The following MACROD2 variants were observed in gnomAD, a reference collection of about 807,000 sequenced individuals.
The protein encoded by MACROD2 is ADP-ribose glycohydrolase MACROD2.
Under a neutral mutation model 70.4 loss-of-function variants are expected in MACROD2, and 36 were observed. The observed-to-expected ratio is 0.51, with a 90% CI of 0.39 to 0.68. The LOEUF (loss-of-function observed/expected upper bound fraction) is 0.68, where lower values mean the gene tolerates loss of function less well. Ranked by LOEUF, MACROD2 falls within the 30% of genes least tolerant of loss-of-function variation. The pLI, the probability that MACROD2 is intolerant of heterozygous loss-of-function variation, is 0.00. For synonymous variants in MACROD2, 172 were observed against 178.8 expected (o/e 0.96, Z 0.30); for missense variants, 496 against 538.4 (o/e 0.92, Z 0.78).
At chr20:15,240,322 G>A (rs78118527) in intron 6 of MACROD2, among the ~76,000 whole-genome samples, 2,760 of 152,164 alleles carry the variant, frequency 0.018, 85 homozygotes, top group African/African-American at 0.064. Flanking sequence ...CACTTAACAC[G>A]AGTTATATAT....
intron 5 of MACROD2, among the ~76,000 whole-genome samples, chr20:15,170,393 A>G (rs1466861747): frequency 6.6e-6 from 1 of 152,234 alleles, no homozygotes; most frequent in Non-Finnish European, 1.5e-5. Flanking sequence ...CTTCTGAAGC[A>G]CTGAAGCCTA....
chr20:15,128,138 G>A (rs903645109), intron 5 of MACROD2, among the ~76,000 whole-genome samples: 2 of 151,978 alleles, frequency 1.3e-5, no homozygotes, highest in Admixed American at 6.6e-5. Flanking sequence ...TTTATTTCAA[G>A]GGTAGTTTTA....
chr20:15,447,926 C>A (rs1279595642), intron 7 of MACROD2, among the ~76,000 whole-genome samples: 1 of 152,038 alleles, frequency 6.6e-6, no homozygotes, highest in Admixed American at 6.6e-5. Context: ...CTGTGTAAAG[C>A]CCAAGTATTT....
intron 3 of MACROD2, among the ~76,000 whole-genome samples, chr20:14,097,783 T>G (rs2054248200): frequency 6.6e-6 from 1 of 152,228 alleles, no homozygotes; most frequent in East Asian, 1.9e-4. Flanking sequence ...GACCCAAGTC[T>G]AAACATGAAA....
chr20:15,686,195 T>C (rs527965197), intron 8 of MACROD2, among the ~76,000 whole-genome samples: 43 of 152,250 alleles, frequency 2.8e-4, no homozygotes, highest in African/African-American at 1.0e-3. Context: ...TTCAGTAAAC[T>C]AGGGGTTGAG....
chr20:15,047,767 T>C (rs73093967), intron 5 of MACROD2, among the ~76,000 whole-genome samples: 5,337 of 152,250 alleles, frequency 0.035, 122 homozygotes, highest in Non-Finnish European at 0.056. Flanking sequence ...TATTACAGTG[T>C]GATTAGGTTT....
At chr20:14,946,204 A>T (rs1478739972) in intron 5 of MACROD2, among the ~76,000 whole-genome samples, 1 of 152,082 alleles carries the variant, frequency 6.6e-6, no homozygotes, top group Non-Finnish European at 1.5e-5. Flanking sequence ...TGTCTCAAAA[A>T]AAAAAAAATT....
At chr20:14,106,362 A>C (rs188864234) in intron 3 of MACROD2, among the ~76,000 whole-genome samples, 9 of 152,290 alleles carry the variant, frequency 5.9e-5, no homozygotes, top group Non-Finnish European at 1.3e-4. Flanking sequence ...TTGTGGTTTG[A>C]GTGCCAGCTT....
chr20:14,183,749 A>G (rs549003551), intron 3 of MACROD2, among the ~76,000 whole-genome samples: 1 of 152,262 alleles, frequency 6.6e-6, no homozygotes, highest in South Asian at 2.1e-4. Context: ...GTGGTATAGT[A>G]TCTCATTGTG....
chr20:15,995,600 T>C (rs1343358926), intron 15 of MACROD2, among the ~76,000 whole-genome samples: 3 of 145,138 alleles, frequency 2.1e-5, no homozygotes, highest in Admixed American at 7.0e-5. Context: ...TCTGCCTGCC[T>C]CGGCCTCCCA....
chr20:14,894,109 C>T (rs2073798036), intron 5 of MACROD2: 1 of 152,058 alleles, frequency 6.6e-6, no homozygotes, highest in African/African-American at 2.4e-5. Context: ...TTTTTACAAA[C>T]ATTATTTTCA....
At chr20:15,865,387 CAT>C (rs1407788923) in intron 9 of MACROD2, among the ~76,000 whole-genome samples, 1 of 146,460 alleles carries the variant, frequency 6.8e-6, no homozygotes, top group Non-Finnish European at 1.5e-5. Flanking sequence ...TATTTAATAA[CAT>C]AACAATAATG....
At chr20:15,722,771 T>C (rs1393352086) in intron 8 of MACROD2, among the ~76,000 whole-genome samples, 1 of 152,196 alleles carries the variant, frequency 6.6e-6, no homozygotes, top group Non-Finnish European at 1.5e-5. Context: ...TATTCTGTAC[T>C]CTTAATATTC....
intron 5 of MACROD2, among the ~76,000 whole-genome samples, chr20:14,773,162 C>G (rs939826457): frequency 1.3e-5 from 2 of 151,954 alleles, no homozygotes; most frequent in African/African-American, 4.8e-5. Context: ...TCTAGCTGCA[C>G]AAAAGACTGA....
At chr20:14,169,309 TG>T (rs373105848) in intron 3 of MACROD2, among the ~76,000 whole-genome samples, 8 of 149,552 alleles carry the variant, frequency 5.3e-5, no homozygotes, top group African/African-American at 7.4e-5. Flanking sequence ...TACTTTTTTT[TG>T]GGGGGGGGCG....
chr20:14,882,470 C>T (rs2073620941), intron 5 of MACROD2, among the ~76,000 whole-genome samples: 1 of 152,160 alleles, frequency 6.6e-6, no homozygotes, highest in African/African-American at 2.4e-5. Context: ...GTAAGAATAG[C>T]TGAATACTCA....
chr20:14,958,620 C>T (rs2074557622), intron 5 of MACROD2, among the ~76,000 whole-genome samples: 1 of 152,194 alleles, frequency 6.6e-6, no homozygotes, highest in Non-Finnish European at 1.5e-5. Flanking sequence ...TCTACTCTTG[C>T]ATGTTCCCCA....
intron 5 of MACROD2, among the ~76,000 whole-genome samples, chr20:14,941,734 A>C (rs927199169): frequency 3.9e-5 from 6 of 152,012 alleles, no homozygotes; most frequent in African/African-American, 1.2e-4. Flanking sequence ...ACCAGATGTC[A>C]AAGAACTTTT....
At chr20:15,335,736 T>C (rs2078041181) in intron 6 of MACROD2, among the ~76,000 whole-genome samples, 3 of 151,820 alleles carry the variant, frequency 2.0e-5, no homozygotes, top group South Asian at 4.1e-4. Flanking sequence ...AAATTTCTTA[T>C]GTAGAAACAC....
Sources: gnomAD v4.1 joint callset for allele counts (sites outside exome capture counted in the v4.1 genomes callset) on GRCh38, gnomAD v4.1.1 for gene constraint, MANE v1.5 for transcripts, NCBI Gene and HGNC (gene_info 2026-07-23, HGNC 2026-07-21) for gene names.